THSD7B: variants seen among roughly 807,000 people sequenced by gnomAD.
THSD7B encodes thrombospondin type 1 domain containing 7B, also known as thrombospondin type-1 domain-containing protein 7B.
In THSD7B, 138 loss-of-function variants were observed where a neutral mutation model predicts 213.6. The observed-to-expected ratio is 0.65, with a 90% CI of 0.56 to 0.74. The LOEUF is 0.74. THSD7B is among the 30% of genes least tolerant of loss of function. The pLI is 0.00. For missense variants in THSD7B, 1,931 were observed against 1,991.5 expected (o/e 0.97, Z 0.58); for synonymous variants, 742 against 687.0 (o/e 1.08, Z -1.25).
intron 24 of THSD7B, among the ~76,000 whole-genome samples, chr2:137,657,601 A>G (rs569089666): frequency 2.0e-5 from 3 of 152,360 alleles, no homozygotes; most frequent in South Asian, 2.1e-4. Context: ...CTGTATGTTA[A>G]TGATGCAGAA....
chr2:136,990,426 T>C (rs530523950), intron 2 of THSD7B, among the ~76,000 whole-genome samples: 108 of 152,074 alleles, frequency 7.1e-4, no homozygotes, highest in African/African-American at 2.3e-3. Flanking sequence ...AGTCAGGAAA[T>C]TGACAGGACT....
chr2:137,227,098 G>C (rs578060982), intron 7 of THSD7B, among the ~76,000 whole-genome samples: 1 of 152,122 alleles, frequency 6.6e-6, no homozygotes, highest in African/African-American at 2.4e-5. Flanking sequence ...TGCTCAATGC[G>C]TATGGGGCTT....
rs1683826233 is a variant in THSD7B at position 136,890,523 on chromosome 2, CTT to C, written c.139+8207_139+8208del. Reference sequence around the variant, plus strand: ...TTCTCCTTTCTTCTTCTTCTTTCTTCTTCTTCTTCTTCTTCTTCTTTTTTTTT... The same window carrying C: ...TTCTCCTTTCTTCTTCTTCTTTCTTCCTTCTTCTTCTTCTTCTTTTTTTTT... On this transcript the variant is annotated intron_variant, in intron 2 of 27. Coordinates refer to ENST00000409968, the MANE Select transcript of THSD7B (RefSeq NM_001316349.2). 2.8e-5 allele frequency among the ~76,000 whole-genome samples: 2 copies of C among 71,716 alleles called. 1 individual carries two copies. The highest frequency in any genetic ancestry group is 1.1e-4 in the African/African-American group (2 of 18,488). The allele number at this position is 71,716 out of a possible 152,430, so 47.0% of individuals were successfully genotyped here.
chr2:137,634,260 C>T (rs994455383), intron 20 of THSD7B, among the ~76,000 whole-genome samples: 3 of 152,104 alleles, frequency 2.0e-5, no homozygotes, highest in Non-Finnish European at 4.4e-5. Flanking sequence ...AATGATTGTG[C>T]ATAAACTTTG....
intron 14 of THSD7B, among the ~76,000 whole-genome samples, chr2:137,414,300 G>A (rs537500895): frequency 9.2e-5 from 14 of 152,036 alleles, no homozygotes; most frequent in South Asian, 4.2e-4. Context: ...AAAAAATAGC[G>A]AGTGAAAATA....
intron 14 of THSD7B, among the ~76,000 whole-genome samples, chr2:137,438,405 C>A (rs1432124397): frequency 6.6e-6 from 1 of 152,086 alleles, no homozygotes; most frequent in East Asian, 1.9e-4. Context: ...CTGTTATTAA[C>A]CCCATTTGAT....
intron 12 of THSD7B, among the ~76,000 whole-genome samples, chr2:137,317,003 A>G (rs998608851): frequency 1.3e-5 from 2 of 152,164 alleles, no homozygotes; most frequent in Non-Finnish European, 2.9e-5. Context: ...ATAGGGGAAA[A>G]AGTGTAGAAT....
intron 1 of THSD7B, among the ~76,000 whole-genome samples, chr2:136,796,288 C>T (rs1336057761): frequency 6.6e-6 from 1 of 151,972 alleles, no homozygotes; most frequent in Non-Finnish European, 1.5e-5. Flanking sequence ...TTGCCAGGGA[C>T]ACTGGCCTGA....
At chr2:137,449,699 T>C (rs719790) in intron 14 of THSD7B, among the ~76,000 whole-genome samples, 33,307 of 152,112 alleles carry the variant, frequency 0.22, 3,859 homozygotes, top group South Asian at 0.27. Flanking sequence ...CAGCATTTCA[T>C]AGCATGGCTA....
At position 137,095,038 on chromosome 2, in the gene THSD7B, T is replaced by C. The variant is rs763423133; in HGVS notation, c.1116T>C (p.Ala372=). The part of the protein sequence containing the change: ...RSRSRNVKHM[A]IGGGKECPEL... ...GGAGCCGGAACGTGAAGCACATGGC[T>C]ATTGGAGGTGGAAAGGAGTGTCCTG... The change falls in exon 4 of 28, where the codon GCT becomes GCC. Residue 372 remains alanine, a synonymous_variant. Transcript: ENST00000409968. The C allele has an allele frequency of 6.2e-7, 1 of 1,613,786 alleles. No homozygotes were observed. Among genetic ancestry groups the C allele is most frequent in the South Asian group, 1.1e-5 (1 of 91,074 alleles).
intron 1 of THSD7B, among the ~76,000 whole-genome samples, chr2:136,815,643 C>T (rs1195532704): frequency 2.0e-5 from 3 of 152,022 alleles, no homozygotes; most frequent in Non-Finnish European, 4.4e-5. Context: ...AACATAAGCT[C>T]ATATAAGAAA....
chr2:137,657,719 C>T lies in THSD7B; in HGVS notation c.4375+559C>T, dbSNP rs190704372. On this transcript the variant is annotated intron_variant, in intron 24 of 27. Coordinates refer to ENST00000409968, the MANE Select transcript of THSD7B (RefSeq NM_001316349.2). ...ACTTAATATCTAAATATAGACTGAG[C>T]AAGAGGTCCCTCATTCATGATGGCA... 3.1e-3 allele frequency among the ~76,000 whole-genome samples: 475 copies of T among 152,252 alleles called. 8 individuals carry two copies. Among genetic ancestry groups the T allele is most frequent in the Non-Finnish European group, 1.8e-3 (122 of 68,022 alleles).
chr2:136,923,946 CTTTAAG>C (rs898852803), intron 2 of THSD7B, among the ~76,000 whole-genome samples: 5 of 152,220 alleles, frequency 3.3e-5, no homozygotes, highest in African/African-American at 9.6e-5. Context: ...ACATGGAAGT[CTTTAAG>C]TTTAATGTAA....
At chr2:137,049,905 T>C (rs1337691066) in intron 2 of THSD7B, among the ~76,000 whole-genome samples, 2 of 152,216 alleles carry the variant, frequency 1.3e-5, no homozygotes, top group East Asian at 3.9e-4. Flanking sequence ...GCAACATTTA[T>C]GGAGCCCTTA....
intron 2 of THSD7B, among the ~76,000 whole-genome samples, chr2:137,039,810 G>A (rs1314276510): frequency 6.6e-6 from 1 of 152,198 alleles, no homozygotes; most frequent in African/African-American, 2.4e-5. Context: ...ACTATTTACT[G>A]CCATTGACTC....
In THSD7B at chr2:137,651,497, A is replaced by T. The variant is rs1683136153; in HGVS notation, c.3946-4004A>T. Among the ~76,000 whole-genome samples the T allele has an allele frequency of 5.3e-5, 8 of 151,216 alleles. No individual in the cohort carries two copies. In the South Asian group the frequency reaches 1.3e-3, roughly 24 times the overall value. The stretch of plus-strand genomic sequence containing the variant: ...AGCTAAAAGTTTGTCAGTTTTGTTT[A>T]TTTTTTTAAAAAAAACAAAGATTTG... On this transcript the variant is annotated intron_variant, in intron 21 of 27. Transcript: ENST00000409968.
chr2:136,954,391 TGTATTGACCAGTTA>T (rs1685088530), intron 2 of THSD7B, among the ~76,000 whole-genome samples: 2 of 152,170 alleles, frequency 1.3e-5, no homozygotes, highest in South Asian at 4.1e-4. Flanking sequence ...CCTCGTTGGA[TGTATTGACCAGTTA>T]GTGCCTCTGC....
chr2:137,540,254 C>A (rs1352560701), intron 15 of THSD7B, among the ~76,000 whole-genome samples: 1 of 151,552 alleles, frequency 6.6e-6, no homozygotes, highest in Non-Finnish European at 1.5e-5. Context: ...AAAGATCTCC[C>A]CAAATCTCTT....
chr2:137,139,489 G>A (rs1679539392), intron 5 of THSD7B, among the ~76,000 whole-genome samples: 1 of 152,168 alleles, frequency 6.6e-6, no homozygotes, highest in East Asian at 1.9e-4. Context: ...GAACCCCGAG[G>A]TAATATGCTG....
Sources: gnomAD v4.1 joint callset for allele counts (sites outside exome capture counted in the v4.1 genomes callset) on GRCh38, gnomAD v4.1.1 for gene constraint, MANE v1.5 for transcripts, NCBI Gene and HGNC (gene_info 2026-07-23, HGNC 2026-07-21) for gene names.